Variants in AXL observed in about 807,000 individuals in gnomAD.
AXL encodes tyrosine-protein kinase receptor UFO.
A neutral mutation model predicts 104.5 loss-of-function variants in AXL; 52 were observed. The observed-to-expected ratio is 0.50, with a 90% CI of 0.40 to 0.63. The LOEUF is 0.63. Among genes scored for constraint, AXL ranks in the 20% least tolerant of loss-of-function variants. The probability of loss-of-function intolerance (pLI) is 0.00; values close to 1 mark genes in which losing one functional copy is unlikely to be tolerated. For missense variants in AXL, 1,024 were observed against 1,188.5 expected (o/e 0.86, Z 2.04); for synonymous variants, 455 against 473.7 (o/e 0.96, Z 0.51).
rs773508947 is a variant in AXL at position 41,239,227 on chromosome 19, T to C, written c.1198T>C (p.Ser400Pro). ...GGAGCTGCAGGGGGACGGGTCTGTG[T>C]CCAATCTGACAGTGTGTGTGGCAGC... ...TLELQGDGSV[S>P]NLTVCVAAYT... Residue 400 changes from serine (S) to proline (P), a missense_variant, in exon 9 of 20, where the codon TCC becomes CCC. Physicochemically the swap from Ser to Pro is moderately conservative, Grantham distance 74. Transcript: ENST00000301178. 4.8e-5 allele frequency: 77 copies of C among 1,612,812 alleles called. No individual in the cohort carries two copies. The highest frequency in any genetic ancestry group is 6.7e-5 in the African/African-American group (5 of 74,744).
chr19:41,248,869 C>T, intron 14 of AXL, 49 bp downstream of exon 14: 1 of 1,529,536 alleles, frequency 6.5e-7, no homozygotes, highest in Non-Finnish European at 8.8e-7. Context: ...CCCTATGCCC[C>T]TGAGACAGAA....
rs1038505898 is a variant in AXL at position 41,261,676 on chromosome 19, C to G, written c.*1772C>G. Reference sequence around the variant, plus strand: ...CCCACCTTTCGGGCCATGTTGCCCCCGTGAGCCAATCCCTCACCTTCTGAG... The same window carrying G: ...CCCACCTTTCGGGCCATGTTGCCCCGGTGAGCCAATCCCTCACCTTCTGAG... On this transcript the variant is annotated 3_prime_UTR_variant, in exon 20 of 20. Transcript: ENST00000301178. The G allele has an allele frequency of 6.6e-6, 1 of 152,634 alleles. No homozygotes were observed. Among genetic ancestry groups the G allele is most frequent in the African/African-American group, 2.4e-5 (1 of 41,456 alleles). 9.5% of individuals were successfully genotyped at this position (152,634 alleles called of 1,614,324 possible).
At position 41,231,219 on chromosome 19, in the gene AXL, C is replaced by G; in HGVS notation, c.704C>G (p.Ser235Cys). 6.2e-7 allele frequency: 1 copy of G among 1,613,832 alleles called. No individual in the cohort carries two copies. The highest frequency in any genetic ancestry group is 8.5e-7 in the Non-Finnish European group (1 of 1,179,842). The change falls in exon 6 of 20, where the codon TCC (serine) becomes TGC (cysteine). Residue 235 changes from serine (S) to cysteine (C), a missense_variant. Transcript: ENST00000301178. ...PQQPRNLHLVSRQPTELEVAW... is the reference protein window; with the variant it reads ...PQQPRNLHLVCRQPTELEVAW... ...CAGCCCCGTAACCTCCACCTGGTCTCCCGCCAACCCACGGAGCTGGAGGTG... is the reference window on the plus strand; with the variant it reads ...CAGCCCCGTAACCTCCACCTGGTCTGCCGCCAACCCACGGAGCTGGAGGTG...
rs1472355668 is a variant in AXL at position 41,259,895 on chromosome 19, T to C, written c.2676T>C (p.Asp892=). The C allele has an allele frequency of 8.3e-6, 13 of 1,575,444 alleles. No individual in the cohort carries two copies. The highest frequency in any genetic ancestry group is 1.1e-5 in the Non-Finnish European group (13 of 1,158,698). The part of the protein sequence containing the change: ...RGSPAAPGQE[D]GA The stretch of plus-strand genomic sequence containing the variant: ...CCCCAGCAGCCCCAGGGCAGGAGGA[T>C]GGTGCCTGAGACAACCCTCCACCTG... The change falls in exon 20 of 20, where the codon GAT becomes GAC. Residue 892 remains aspartate, a synonymous_variant. Transcript: ENST00000301178.
chr19:41,248,681 C>CTA, intron 13 of AXL, 62 bp from the exon 14 acceptor site: 1 of 1,611,702 alleles, frequency 6.2e-7, no homozygotes, highest in Non-Finnish European at 8.5e-7. Flanking sequence ...TCCCACCCAA[C>CTA]TATAGGAAAT....
At chr19:41,224,071 T>C (rs1289043645) in intron 4 of AXL, among the ~76,000 whole-genome samples, 1 of 152,076 alleles carries the variant, frequency 6.6e-6, no homozygotes, top group African/African-American at 2.4e-5. Flanking sequence ...TCTACGTTTC[T>C]TAGGGGTTGC....
chr19:41,244,304 CAA>C (rs1227814748), intron 12 of AXL, among the ~76,000 whole-genome samples: 1 of 151,954 alleles, frequency 6.6e-6, no homozygotes, highest in Non-Finnish European at 1.5e-5. Flanking sequence ...AAGATAATGA[CAA>C]GAAGAAAATG....
intron 6 of AXL, among the ~76,000 whole-genome samples, chr19:41,233,973 G>A (rs549445462): frequency 6.6e-6 from 1 of 152,196 alleles, no homozygotes; most frequent in East Asian, 1.9e-4. Context: ...GAAAAGAGAA[G>A]TGGGAGCAGG....
At chr19:41,252,662 G>A (rs1366654268) in intron 15 of AXL, among the ~76,000 whole-genome samples, 184 bp from the exon 16 acceptor site, 1 of 152,156 alleles carries the variant, frequency 6.6e-6, no homozygotes. Flanking sequence ...CTCCGGAAAC[G>A]TCCCTGGGAA....
chr19:41,233,536 T>TATCACCTGAGCTCCCAGATACTC (rs2034029571), intron 6 of AXL, among the ~76,000 whole-genome samples: 1 of 150,568 alleles, frequency 6.6e-6, no homozygotes, highest in Admixed American at 6.6e-5. Context: ...GAGGCTGAAG[T>TATCACCTGAGCTCCCAGATACTC]GGGACAATCA....
chr19:41,253,806 C>A, intron 17 of AXL, 98 bp downstream of exon 17: 1 of 991,624 alleles, frequency 1.0e-6, no homozygotes. Flanking sequence ...GCTAGACACC[C>A]GCTGAGGGCA....
intron 1 of AXL, chr19:41,220,355 GCAGGGGCTGGCCCTGCC>G (rs2033766692): frequency 1.0e-5 from 4 of 399,658 alleles, no homozygotes; most frequent in South Asian, 8.3e-5. Flanking sequence ...GACGGAGGGG[GCAGGGGCTGGCCCTGCC>G]AGGCAGTGCA....
At chr19:41,230,406 T>C (rs1194453715) in intron 4 of AXL, among the ~76,000 whole-genome samples, 2 of 151,304 alleles carry the variant, frequency 1.3e-5, no homozygotes, top group East Asian at 3.9e-4. Flanking sequence ...TGTGTCTCTA[T>C]CTGGGGTGTA....
rs574236437 is a variant in AXL, at chr19:41,254,026, A to G, written c.2036+318A>G. On this transcript the variant is annotated intron_variant, in intron 17 of 19. Transcript: ENST00000301178. The stretch of plus-strand genomic sequence containing the variant: ...GTGAGCTGCATCTCTGTCCCACTCC[A>G]TGCTGGGTGTCTTGCCTGGGGCTGC... 1.1e-4 allele frequency among the ~76,000 whole-genome samples: 16 copies of G among 152,076 alleles called. No individual in the cohort carries two copies. The East Asian group carries it at 2.9e-3, about 28-fold the overall frequency.
rs1186234986 is a variant in AXL, at chr19:41,219,386, G to A, written c.-7G>A. On this transcript the variant is annotated 5_prime_UTR_variant, in exon 1 of 20. Coordinates refer to ENST00000301178, the MANE Select transcript of AXL (RefSeq NM_021913.5). ...GCCCAACAACTTCTGAGGAAAGTTTGGCACCCATGGCGTGGCGGTGCCCCA... is the reference window on the plus strand; with the variant it reads ...GCCCAACAACTTCTGAGGAAAGTTTAGCACCCATGGCGTGGCGGTGCCCCA... 1.9e-6 allele frequency: 3 copies of A among 1,588,186 alleles called. No homozygotes were observed. The highest frequency in any genetic ancestry group is 1.8e-5 in the Admixed American group (1 of 56,292).
At position 41,236,627 on chromosome 19, in the gene AXL, G is replaced by C. The variant is rs112765629; in HGVS notation, c.784-1317G>C. ...GAAACGCTGTCTCTACTGAAAATAC[G>C]GCAATTAGTCGGGCGTGGTGGTACG... On this transcript the variant is annotated intron_variant, in intron 6 of 19. Transcript: ENST00000301178. 1.1e-4 allele frequency among the ~76,000 whole-genome samples: 17 copies of C among 151,252 alleles called. No homozygotes were observed. The East Asian group carries it at 1.4e-3, about 12-fold the overall frequency.
At chr19:41,240,024 G>A (rs1321642999) in intron 10 of AXL, among the ~76,000 whole-genome samples, 1 of 151,730 alleles carries the variant, frequency 6.6e-6, no homozygotes, top group Non-Finnish European at 1.5e-5. Flanking sequence ...GGATGGATAG[G>A]CGGGTGAACA....
intron 3 of AXL, chr19:41,221,563 G>A (rs143714364): frequency 1.0e-5 from 5 of 490,412 alleles, no homozygotes; most frequent in Non-Finnish European, 1.4e-5. Flanking sequence ...TCAGAGGCAC[G>A]CAACGTACCC....
rs931607661 is a variant in AXL, at chr19:41,219,270, G to A, written c.-123G>A. 4.8e-5 allele frequency: 44 copies of A among 922,142 alleles called. No individual in the cohort carries two copies. The highest frequency in any genetic ancestry group is 3.4e-4 in the Middle Eastern group (1 of 2,918). 57.1% of individuals were successfully genotyped at this position (922,142 alleles called of 1,614,324 possible). ...GCCGGTGGCAAGGGCCTCCCCTGCC[G>A]CTGTGCCAGGCAGGCAGTGCCAAAT... On this transcript the variant is annotated 5_prime_UTR_variant, in exon 1 of 20. Transcript: ENST00000301178.
Sources: gnomAD v4.1 joint callset for allele counts (sites outside exome capture counted in the v4.1 genomes callset) on GRCh38, gnomAD v4.1.1 for gene constraint, MANE v1.5 for transcripts, NCBI Gene and HGNC (gene_info 2026-07-23, HGNC 2026-07-21) for gene names.